The following NALCN variants were observed in gnomAD, a reference collection of about 807,000 sequenced individuals.
NALCN encodes the protein sodium leak channel NALCN.
Under a neutral mutation model 225.3 loss-of-function variants are expected in NALCN, and 111 were observed. That is an observed-to-expected ratio of 0.49 (90% confidence interval 0.42 to 0.58). The LOEUF (loss-of-function observed/expected upper bound fraction) is 0.58. Ranked by LOEUF, NALCN falls within the 20% of genes least tolerant of loss-of-function variation. The probability of loss-of-function intolerance (pLI) is 0.00; values close to 1 mark genes in which losing one functional copy is unlikely to be tolerated. For missense variants in NALCN, 1,378 were observed against 2,202.4 expected (o/e 0.63, Z 7.49); for synonymous variants, 764 against 769.0 (o/e 0.99, Z 0.11).
Position 101,376,878 on chromosome 13 carries a change from T to C in NALCN, c.515+39A>G, listed in dbSNP as rs370240846. 115 of 1,612,986 alleles carry C rather than the reference T, an allele frequency of 7.1e-5. No individual in the cohort carries two copies. The Middle Eastern group carries it at 8.3e-4, about 12-fold the overall frequency. On this transcript the variant is annotated intron_variant, in intron 5 of 43. Coordinates refer to ENST00000251127, the MANE Select transcript of NALCN (RefSeq NM_052867.4). Reference sequence around the variant, plus strand: ...TACATAAAACTTACAAAAAACTTCATAAACTTTTCCTCTTAACTTATTGTA... The same window carrying C: ...TACATAAAACTTACAAAAAACTTCACAAACTTTTCCTCTTAACTTATTGTA...
At position 101,376,804 on chromosome 13, in the gene NALCN, A is replaced by G. The variant is rs189925089; in HGVS notation, c.540T>C (p.Ser180=). The change falls in exon 6 of 44, where the codon AGT becomes AGC. Residue 180 remains serine (S), a synonymous_variant. Coordinates refer to ENST00000251127, the MANE Select transcript of NALCN (RefSeq NM_052867.4). ...GAAAGAAAAGTAGAAAAATGGAAAC[A>G]CTCCATATTTGTTCTCCCGATCGCC... ...ILKRSGEQIW[S]VSIFLLFFLL... is the part of the protein sequence containing the mutation. The G allele has an allele frequency of 1.9e-5, 31 of 1,613,124 alleles. No individual in the cohort carries two copies. The East Asian group carries it at 2.9e-4, about 15-fold the overall frequency.
intron 18 of NALCN, among the ~76,000 whole-genome samples, chr13:101,115,258 T>C (rs1283440643): frequency 6.6e-6 from 1 of 151,244 alleles, no homozygotes; most frequent in African/African-American, 2.4e-5. Flanking sequence ...GAGACAGTAA[T>C]GAAAAAAAAA....
chr13:101,341,125 T>G (rs945307271), intron 7 of NALCN, among the ~76,000 whole-genome samples: 2 of 152,210 alleles, frequency 1.3e-5, no homozygotes, highest in Non-Finnish European at 1.5e-5. Flanking sequence ...TATTCATAAT[T>G]TATAATATTT....
intron 42 of NALCN, chr13:101,058,422 GGGGGCAGTCT>G: frequency 1.0e-5 from 2 of 195,558 alleles, no homozygotes; most frequent in Non-Finnish European, 2.1e-5. Flanking sequence ...CGGGCTGGGC[GGGGGCAGTCT>G]ACTGTCACCA....
At chr13:101,259,765 A>AATATAT (rs10622708) in intron 10 of NALCN, among the ~76,000 whole-genome samples, 1 of 111,982 alleles carries the variant, frequency 8.9e-6, no homozygotes, top group Non-Finnish European at 2.0e-5. Context: ...CACACACATA[A>AATATAT]ATATATATAT....
intron 3 of NALCN, among the ~76,000 whole-genome samples, chr13:101,387,193 A>G (rs1283130615): frequency 7.4e-6 from 1 of 135,148 alleles, no homozygotes; most frequent in Non-Finnish European, 1.5e-5. Context: ...TGCAGTCCGC[A>G]GTCCGGCCTG....
At chr13:101,413,199 T>C (rs1197380576) in intron 1 of NALCN, among the ~76,000 whole-genome samples, 1 of 152,150 alleles carries the variant, frequency 6.6e-6, no homozygotes, top group African/African-American at 2.4e-5. Context: ...ATACAATATA[T>C]CTCTATAATA....
At chr13:101,191,312 T>C (rs1053573572) in intron 14 of NALCN, among the ~76,000 whole-genome samples, 1 of 152,050 alleles carries the variant, frequency 6.6e-6, no homozygotes, top group Non-Finnish European at 1.5e-5. Flanking sequence ...TTAATGGAAG[T>C]ATATTGAAGA....
intron 43 of NALCN, chr13:101,057,727 T>C: frequency 1.8e-6 from 1 of 571,076 alleles, no homozygotes. Flanking sequence ...GCCTGAAATG[T>C]ACCCGGAAAA....
chr13:101,366,587 T>A (rs1323568718), intron 6 of NALCN, among the ~76,000 whole-genome samples: 1 of 152,190 alleles, frequency 6.6e-6, no homozygotes, highest in Admixed American at 6.5e-5. Context: ...ACAGCCATCA[T>A]ACCTTAGCTT....
At chr13:101,186,468 T>G (rs1594390349) in intron 14 of NALCN, among the ~76,000 whole-genome samples, 1 of 152,330 alleles carries the variant, frequency 6.6e-6, no homozygotes, top group East Asian at 1.9e-4. Context: ...CAGTAACTGT[T>G]AGTCTAAGGG....
intron 6 of NALCN, among the ~76,000 whole-genome samples, chr13:101,374,176 GAA>G (rs2046617962): frequency 6.7e-6 from 1 of 148,464 alleles, no homozygotes; most frequent in African/African-American, 2.5e-5. Context: ...TAAAAAACAA[GAA>G]AAAATGAGAT....
chr13:101,296,578 T>C (rs1190772977), intron 7 of NALCN, among the ~76,000 whole-genome samples: 1 of 152,242 alleles, frequency 6.6e-6, no homozygotes, highest in Non-Finnish European at 1.5e-5. Flanking sequence ...ACAGAATATT[T>C]TTAGTCCATT....
At chr13:101,336,627 A>G (rs1236060639) in intron 7 of NALCN, among the ~76,000 whole-genome samples, 1 of 152,188 alleles carries the variant, frequency 6.6e-6, no homozygotes, top group African/African-American at 2.4e-5. Context: ...CTAATATTTT[A>G]AGGAGGATAT....
chr13:101,288,720 T>C (rs993851903), intron 9 of NALCN, among the ~76,000 whole-genome samples: 1 of 152,260 alleles, frequency 6.6e-6, no homozygotes, highest in Non-Finnish European at 1.5e-5. Context: ...TTACCAAACC[T>C]TCAATATGAT....
chr13:101,357,957 T>C (rs934755102), intron 6 of NALCN, among the ~76,000 whole-genome samples: 3 of 152,186 alleles, frequency 2.0e-5, no homozygotes, highest in African/African-American at 7.2e-5. Context: ...ATTTAATAAA[T>C]GGTGCTGAGA....
At chr13:101,061,433 G>GT (rs1203821315) in intron 41 of NALCN, among the ~76,000 whole-genome samples, 2 of 151,490 alleles carry the variant, frequency 1.3e-5, no homozygotes, top group African/African-American at 2.4e-5. Flanking sequence ...CCAGGCTGGA[G>GT]TGCAGTGGCA....
intron 17 of NALCN, among the ~76,000 whole-genome samples, chr13:101,135,897 T>G (rs2036762735): frequency 6.6e-6 from 1 of 152,224 alleles, no homozygotes; most frequent in Admixed American, 6.5e-5. Flanking sequence ...TTGATACCTC[T>G]TTTGTGCATG....
intron 15 of NALCN, among the ~76,000 whole-genome samples, chr13:101,149,749 T>C (rs1452111): frequency 0.76 from 115,793 of 152,152 alleles, 44,391 homozygotes; most frequent in East Asian, 1. Flanking sequence ...GTGAGTATTT[T>C]GAATCTCATG....
Sources: gnomAD v4.1 joint callset for allele counts (sites outside exome capture counted in the v4.1 genomes callset) on GRCh38, gnomAD v4.1.1 for gene constraint, MANE v1.5 for transcripts, NCBI Gene and HGNC (gene_info 2026-07-23, HGNC 2026-07-21) for gene names.